Variants in ZDHHC11 observed in about 807,000 individuals in gnomAD.
ZDHHC11 encodes palmitoyltransferase ZDHHC11.
ZDHHC11 carries 44 observed loss-of-function variants against 51.3 expected under a neutral mutation model. The ratio of observed to expected loss-of-function variants is 0.86; its 90% CI spans 0.67 to 1.10. ZDHHC11 has a LOEUF of 1.10. Ranked by LOEUF, ZDHHC11 falls within the 50% of genes least tolerant of loss-of-function variation. The pLI, the probability that ZDHHC11 is intolerant of heterozygous loss-of-function variation, is 0.00. For synonymous variants in ZDHHC11, 163 were observed against 222.0 expected (o/e 0.73, Z 2.36); for missense variants, 400 against 537.7 (o/e 0.74, Z 2.53).
chr5:859,069 G>A (rs1440791693), upstream of ZDHHC11, among the ~76,000 whole-genome samples: 4 of 152,108 alleles, frequency 2.6e-5, no homozygotes, highest in African/African-American at 7.2e-5. Flanking sequence ...GGACAAGGGG[G>A]CATGAGGAGG....
chr5:816,626 A>G (rs1740835114), intron 10 of ZDHHC11: 2 of 628,126 alleles, frequency 3.2e-6, no homozygotes, highest in South Asian at 1.4e-5. Context: ...TTGCTTTGCC[A>G]TAGTGGCTGT....
chr5:808,701 A>ATTTTTTTT (rs1161740691), intron 11 of ZDHHC11, among the ~76,000 whole-genome samples: 2 of 129,254 alleles, frequency 1.5e-5, no homozygotes, highest in Non-Finnish European at 3.4e-5. Context: ...AACCTAGCTA[A>ATTTTTTTT]TTTTTTTTTT....
intron 6 of ZDHHC11, among the ~76,000 whole-genome samples, chr5:835,291 A>C (rs1743671974): frequency 6.6e-6 from 1 of 151,562 alleles, no homozygotes; most frequent in Non-Finnish European, 1.5e-5. Flanking sequence ...TTGTTCTAGT[A>C]CCACTTGTTG....
chr5:812,193 C>T (rs185807202), intron 11 of ZDHHC11, among the ~76,000 whole-genome samples: 1 of 148,292 alleles, frequency 6.7e-6, no homozygotes, highest in Non-Finnish European at 1.5e-5. Flanking sequence ...TTGGTATAAC[C>T]CTGGAGTAAG....
intron 3 of ZDHHC11, among the ~76,000 whole-genome samples, chr5:846,262 C>T (rs1348111936): frequency 2.0e-5 from 3 of 151,174 alleles, no homozygotes; most frequent in Admixed American, 6.6e-5. Flanking sequence ...AGGGACCGCC[C>T]GGTGCGTCCT....
intron 3 of ZDHHC11, among the ~76,000 whole-genome samples, chr5:847,117 G>C (rs1202278366): frequency 2.7e-3 from 395 of 148,532 alleles, no homozygotes; most frequent in African/African-American, 9.8e-3. Context: ...CCATGCTCAG[G>C]GGAAACACCT....
Position 809,373 on chromosome 5 carries a change from C to T in ZDHHC11, c.1181+5388G>A, listed in dbSNP as rs1253020782. On this transcript the variant is annotated intron_variant, in intron 11 of 12. Transcript: ENST00000283441. ...TCACAGGCTGAAGTCCTAACCCCAG[C>T]GTTGTGTGTCATAAAGCGGAGCCTT... 5.6e-5 allele frequency among the ~76,000 whole-genome samples: 8 copies of T among 141,838 alleles called. No homozygotes were observed. In the Admixed American group the frequency reaches 5.7e-4, roughly 10 times the overall value. The allele number at this position is 141,838 out of a possible 152,430, so 93.1% of individuals were successfully genotyped here. A position where few individuals can be genotyped will look rare whatever the true frequency, so the allele number is the denominator to read the frequency against.
At chr5:797,226 G>GTA (rs370247310) in intron 12 of ZDHHC11, among the ~76,000 whole-genome samples, 9,616 of 97,514 alleles carry the variant, frequency 0.099, 26 homozygotes, top group Non-Finnish European at 0.11. Flanking sequence ...GTGTGTGTGT[G>GTA]TATATATATA....
chr5:799,687 G>A (rs7720564), intron 12 of ZDHHC11, among the ~76,000 whole-genome samples: 30,934 of 150,360 alleles, frequency 0.21, 4,668 homozygotes, highest in African/African-American at 0.42. Context: ...GGAGGAGCAC[G>A]TAGACTCAGG....
chr5:850,844 C>T lies in ZDHHC11; in HGVS notation c.-242G>A. The T allele has an allele frequency of 5.0e-6, 3 of 600,306 alleles. No homozygotes were observed. Among genetic ancestry groups the T allele is most frequent in the Non-Finnish European group, 8.7e-6 (3 of 344,598 alleles). The allele number at this position is 600,306 out of a possible 1,614,324, so 37.2% of individuals were successfully genotyped here. On this transcript the variant is annotated 5_prime_UTR_variant, in exon 1 of 13. Transcript: ENST00000283441. ...CTGCAGAATGTGACCCCGGCCAGAGCCGAGTGGCAACGGAAAACGGCTCTC... is the reference window on the plus strand; with the variant it reads ...CTGCAGAATGTGACCCCGGCCAGAGTCGAGTGGCAACGGAAAACGGCTCTC...
At chr5:850,989 A>C, upstream of ZDHHC11, 2 of 296,376 alleles carry the variant, frequency 6.7e-6, no homozygotes, top group Non-Finnish European at 1.3e-5. Context: ...CCGTTCACGA[A>C]TACACAGGCC....
chr5:836,510 G>C (rs1263538782), intron 6 of ZDHHC11, among the ~76,000 whole-genome samples: 1 of 150,126 alleles, frequency 6.7e-6, no homozygotes, highest in African/African-American at 2.5e-5. Flanking sequence ...TGCTGAATGA[G>C]TTGGGAAGTG....
intron 1 of ZDHHC11, among the ~76,000 whole-genome samples, chr5:858,012 G>A (rs1748507651): frequency 1.4e-5 from 2 of 145,294 alleles, no homozygotes; most frequent in South Asian, 2.2e-4. Flanking sequence ...GGTCTGTCCC[G>A]GTCCTGTCCC....
At chr5:851,816 G>A (rs190196647), upstream of ZDHHC11, among the ~76,000 whole-genome samples, 9 of 152,348 alleles carry the variant, frequency 5.9e-5, no homozygotes, top group Admixed American at 2.6e-4. Context: ...AGCACTGTGG[G>A]AAGCCGAGGC....
At chr5:852,519 C>T (rs949825224), upstream of ZDHHC11, among the ~76,000 whole-genome samples, 1 of 151,872 alleles carries the variant, frequency 6.6e-6, no homozygotes, top group Non-Finnish European at 1.5e-5. Flanking sequence ...CAACGAGCAG[C>T]GGGGACAGAC....
At chr5:841,326 C>G (rs1744893970) in intron 4 of ZDHHC11, 17 of 380,772 alleles carry the variant, frequency 4.5e-5, no homozygotes, top group Non-Finnish European at 5.2e-5. Flanking sequence ...CCACCCCTTC[C>G]TTACTAAGTG....
chr5:835,196 G>A lies in ZDHHC11; in HGVS notation c.901-1389C>T, dbSNP rs1375384095. On this transcript the variant is annotated intron_variant, in intron 6 of 12. Coordinates refer to ENST00000283441, the MANE Select transcript of ZDHHC11 (RefSeq NM_024786.3). Reference sequence around the variant, plus strand: ...AGATGGATTTGGGGCTAATTCTTCCGTGGCGAATGAAGTGATCCTGGGTAA... The same window carrying A: ...AGATGGATTTGGGGCTAATTCTTCCATGGCGAATGAAGTGATCCTGGGTAA... 3.3e-4 allele frequency among the ~76,000 whole-genome samples: 49 copies of A among 150,674 alleles called. 2 individuals are homozygous for A. Among genetic ancestry groups the A allele is most frequent in the South Asian group, 8.4e-4 (4 of 4,768 alleles).
At chr5:802,898 G>A (rs1284458832) in intron 11 of ZDHHC11, among the ~76,000 whole-genome samples, 1 of 130,588 alleles carries the variant, frequency 7.7e-6, no homozygotes, top group Admixed American at 8.3e-5. Flanking sequence ...GTTAGTGCCT[G>A]TAGTCCCAGT....
Position 848,552 on chromosome 5 carries a change from G to T in ZDHHC11, c.331C>A (p.Pro111Thr). 1 of 1,555,572 alleles carries T rather than the reference G, an allele frequency of 6.4e-7. No homozygotes were observed. Among genetic ancestry groups the T allele is most frequent in the South Asian group, 1.2e-5 (1 of 85,798 alleles). ...GCATGTTTTGATCTGTCGAAGAGGG[G>T]CATGGGCTGAGAATAGTTCTTCATG... ...RLMKNYSQPM[P>T]LFDRSKHAHV... Residue 111 changes from proline to threonine, a missense_variant, in exon 2 of 13, where the codon CCC becomes ACC. Coordinates refer to ENST00000283441, the MANE Select transcript of ZDHHC11 (RefSeq NM_024786.3).
Sources: allele counts gnomAD v4.1 joint callset (sites outside exome capture counted in the v4.1 genomes callset), GRCh38; gene constraint gnomAD v4.1.1; transcripts MANE v1.5; gene names NCBI Gene and HGNC (gene_info 2026-07-23, HGNC 2026-07-21).